The following LIMD1 variants were observed in gnomAD, a reference collection of about 807,000 sequenced individuals.
LIMD1 encodes the protein LIM domain-containing protein 1.
LIMD1 carries 23 observed loss-of-function variants against 58.4 expected under a neutral mutation model. The observed-to-expected ratio is 0.39, with a 90% CI of 0.28 to 0.56. The LOEUF is 0.56. LIMD1 is among the 20% of genes least tolerant of loss of function. The pLI, the probability that LIMD1 is intolerant of heterozygous loss-of-function variation, is 0.57. For missense variants in LIMD1, 838 were observed against 855.5 expected, an observed-to-expected ratio of 0.98 and a Z score of 0.25; for synonymous variants, 334 against 345.5, an observed-to-expected ratio of 0.97 and a Z score of 0.37.
intron 2 of LIMD1, among the ~76,000 whole-genome samples, chr3:45,640,711 T>C (rs115515084): frequency 0.03 from 4,606 of 152,328 alleles, 76 homozygotes; most frequent in Non-Finnish European, 0.041. Context: ...ATTACAAGCG[T>C]GAGCCACCAC....
Position 45,684,966 on chromosome 3 carries a change from G to A in LIMD1, c.*7907G>A, listed in dbSNP as rs1249178023. ...TTTATTAAAAGAAAAGCCTTACCAA[G>A]GACTCCTGTACCCTATCTGCCTAAA... On this transcript the variant is annotated 3_prime_UTR_variant, in exon 8 of 8. Coordinates refer to ENST00000273317, the MANE Select transcript of LIMD1 (RefSeq NM_014240.3). 6.6e-6 allele frequency: 1 copy of A among 152,166 alleles called. No individual in the cohort carries two copies. The highest frequency in any genetic ancestry group is 1.5e-5 in the Non-Finnish European group (1 of 68,034). 9.4% of individuals were successfully genotyped at this position (152,166 alleles called of 1,614,324 possible).
chr3:45,644,577 A>G (rs552264237), intron 2 of LIMD1, among the ~76,000 whole-genome samples: 1 of 152,272 alleles, frequency 6.6e-6, no homozygotes, highest in South Asian at 2.1e-4. Context: ...CATTATTATT[A>G]TTACTCTCAA....
At chr3:45,614,530 C>G (rs1318639978) in intron 1 of LIMD1, among the ~76,000 whole-genome samples, 1 of 151,716 alleles carries the variant, frequency 6.6e-6, no homozygotes, top group African/African-American at 2.4e-5. Flanking sequence ...CAAGACCAGC[C>G]TGGGCAACAT....
At chr3:45,661,090 A>C (rs1697431285) in intron 2 of LIMD1, among the ~76,000 whole-genome samples, 1 of 152,164 alleles carries the variant, frequency 6.6e-6, no homozygotes, top group Non-Finnish European at 1.5e-5. Context: ...GCAGCTTTGG[A>C]GACCTAAAGA....
Position 45,682,547 on chromosome 3 carries a change from T to A in LIMD1, c.*5488T>A, listed in dbSNP as rs1697757991. On this transcript the variant is annotated 3_prime_UTR_variant, in exon 8 of 8. Transcript: ENST00000273317. The stretch of plus-strand genomic sequence containing the variant: ...TGTGATGAAGCAGTAGCAGCTGTAA[T>A]AGCTGGCATTTCCCGTGTGCTCATC... 6.6e-6 allele frequency: 1 copy of A among 152,318 alleles called. No homozygotes were observed. Among genetic ancestry groups the A allele is most frequent in the East Asian group, 1.9e-4 (1 of 5,192 alleles). 9.4% of individuals were successfully genotyped at this position (152,318 alleles called of 1,614,324 possible). A position where few individuals can be genotyped will look rare whatever the true frequency, so the allele number is the denominator to read the frequency against.
At chr3:45,613,929 G>A (rs376076490) in intron 1 of LIMD1, among the ~76,000 whole-genome samples, 6 of 152,144 alleles carry the variant, frequency 3.9e-5, no homozygotes, top group South Asian at 4.2e-4. Context: ...CAAAGTGGCC[G>A]TGCCACTTAG....
In LIMD1 at chr3:45,595,435, G is replaced by C. The variant is rs780991220; in HGVS notation, c.556G>C (p.Ala186Pro). 1.2e-6 allele frequency: 2 copies of C among 1,613,904 alleles called. No individual in the cohort carries two copies. Among genetic ancestry groups the C allele is most frequent in the Admixed American group, 3.3e-5 (2 of 59,988 alleles). The change falls in exon 1 of 8, where the codon GCA becomes CCA. Residue 186 changes from alanine (A) to proline (P), a missense_variant. Coordinates refer to ENST00000273317, the MANE Select transcript of LIMD1 (RefSeq NM_014240.3). Reference sequence around the variant, plus strand: ...AGACTATTATGACAACCTCTCCTTGGCAAGCCCAAAGTGGGGTGACAAACC... The same window carrying C: ...AGACTATTATGACAACCTCTCCTTGCCAAGCCCAAAGTGGGGTGACAAACC... ...HGDYYDNLSL[A>P]SPKWGDKPGV... is the part of the protein sequence containing the mutation.
At chr3:45,639,956 C>T (rs1701825749) in intron 2 of LIMD1, among the ~76,000 whole-genome samples, 1 of 152,248 alleles carries the variant, frequency 6.6e-6, no homozygotes, top group Admixed American at 6.5e-5. Flanking sequence ...AGCCACCATG[C>T]CCGGCCAGAG....
chr3:45,646,685 C>T (rs1050743823), intron 2 of LIMD1, among the ~76,000 whole-genome samples: 2 of 150,734 alleles, frequency 1.3e-5, no homozygotes, highest in African/African-American at 4.9e-5. Context: ...CCTCTTGTTC[C>T]TAAATCTTTT....
chr3:45,651,059 G>C (rs184073033), intron 2 of LIMD1, among the ~76,000 whole-genome samples: 263 of 151,514 alleles, frequency 1.7e-3, no homozygotes, highest in Admixed American at 3.2e-3. Flanking sequence ...TCTCATTGTG[G>C]TTTTGATTTG....
chr3:45,665,295 G>T (rs7645871), intron 2 of LIMD1, among the ~76,000 whole-genome samples: 18 of 151,978 alleles, frequency 1.2e-4, no homozygotes, highest in African/African-American at 4.4e-4. Flanking sequence ...CTTCACAAGA[G>T]ACTGTTGCTT....
intron 1 of LIMD1, among the ~76,000 whole-genome samples, chr3:45,606,557 T>TAAA (rs1701470075): frequency 6.6e-6 from 1 of 152,174 alleles, no homozygotes; most frequent in Non-Finnish European, 1.5e-5. Flanking sequence ...TGCAGGGCAG[T>TAAA]GGACAGAGCC....
Position 45,682,241 on chromosome 3 carries a change from C to T in LIMD1, c.*5182C>T, listed in dbSNP as rs1270302771. ...ACATGGGCTGCTATTTGCTTAAGACCTTGATGGTATAAGGAGTGAAGATGC... is the reference window on the plus strand; with the variant it reads ...ACATGGGCTGCTATTTGCTTAAGACTTTGATGGTATAAGGAGTGAAGATGC... On this transcript the variant is annotated 3_prime_UTR_variant, in exon 8 of 8. Coordinates refer to ENST00000273317, the MANE Select transcript of LIMD1 (RefSeq NM_014240.3). 1 of 152,144 alleles carries T rather than the reference C, an allele frequency of 6.6e-6. No individual in the cohort carries two copies. The highest frequency in any genetic ancestry group is 1.5e-5 in the Non-Finnish European group (1 of 68,042). The allele number at this position is 152,144 out of a possible 1,614,324, so 9.4% of individuals were successfully genotyped here.
At chr3:45,644,826 C>A (rs1449455285) in intron 2 of LIMD1, among the ~76,000 whole-genome samples, 1 of 152,178 alleles carries the variant, frequency 6.6e-6, no homozygotes, top group Middle Eastern at 3.2e-3. Flanking sequence ...TGTGTGACAA[C>A]AGAGACTGGA....
At chr3:45,654,657 C>A (rs139060570) in intron 2 of LIMD1, among the ~76,000 whole-genome samples, 15 of 151,490 alleles carry the variant, frequency 9.9e-5, no homozygotes, top group South Asian at 6.3e-4. Context: ...GGTGAAACCC[C>A]GTCTCTACTA....
Position 45,674,475 on chromosome 3 carries a change from G to A in LIMD1, c.1893+64G>A, listed in dbSNP as rs930054660. ...GACATCCAAGAGAAAAGCATCCTGCGTTGACTGGGGCAAGAGGCAGTCAAC... is the reference window on the plus strand; with the variant it reads ...GACATCCAAGAGAAAAGCATCCTGCATTGACTGGGGCAAGAGGCAGTCAAC... On this transcript the variant is annotated intron_variant, in intron 7 of 7. Coordinates refer to ENST00000273317, the MANE Select transcript of LIMD1 (RefSeq NM_014240.3). 23 of 1,252,066 alleles carry A rather than the reference G, an allele frequency of 1.8e-5. No individual in the cohort carries two copies. The Admixed American group carries it at 3.4e-4, about 18-fold the overall frequency. 77.6% of individuals were successfully genotyped at this position (1,252,066 alleles called of 1,614,324 possible). A position where few individuals can be genotyped will look rare whatever the true frequency, so the allele number is the denominator to read the frequency against.
rs75817462 is a variant in LIMD1 at position 45,650,244 on chromosome 3, T to C, written c.1510+13993T>C. Among the ~76,000 whole-genome samples the C allele has an allele frequency of 9.8e-5, 15 of 152,306 alleles. No individual in the cohort carries two copies. In the East Asian group the frequency reaches 2.9e-3, roughly 29 times the overall value. On this transcript the variant is annotated intron_variant, in intron 2 of 7. Transcript: ENST00000273317. ...ATTGCTGTACCTTTAAATTCACTAATGTTTTCTCTTGCATGGTGTAATCTG... is the reference window on the plus strand; with the variant it reads ...ATTGCTGTACCTTTAAATTCACTAACGTTTTCTCTTGCATGGTGTAATCTG...
rs1042362890 is a variant in LIMD1, at chr3:45,659,966, G to A, written c.1511-5684G>A. Among the ~76,000 whole-genome samples, 18 of 152,266 alleles carry A rather than the reference G, an allele frequency of 1.2e-4. No individual in the cohort carries two copies. The South Asian group carries it at 2.5e-3, about 21-fold the overall frequency. Reference sequence around the variant, plus strand: ...TGATCTCCTGGATGAAAAAGCTTTCGTTTAATTTGTTTCTTAACACTAGAG... The same window carrying A: ...TGATCTCCTGGATGAAAAAGCTTTCATTTAATTTGTTTCTTAACACTAGAG... On this transcript the variant is annotated intron_variant, in intron 2 of 7. Coordinates refer to ENST00000273317, the MANE Select transcript of LIMD1 (RefSeq NM_014240.3).
chr3:45,673,165 C>T (rs1400417234), intron 5 of LIMD1, among the ~76,000 whole-genome samples: 1 of 152,188 alleles, frequency 6.6e-6, no homozygotes, highest in Non-Finnish European at 1.5e-5. Flanking sequence ...CTGGTTCCTA[C>T]CACTCTTGGT....
Sources: allele counts gnomAD v4.1 joint callset (sites outside exome capture counted in the v4.1 genomes callset), GRCh38; gene constraint gnomAD v4.1.1; transcripts MANE v1.5; gene names NCBI Gene and HGNC (gene_info 2026-07-23, HGNC 2026-07-21).